Variants in MACROD2 observed in about 807,000 individuals in gnomAD.
MACROD2 encodes the protein ADP-ribose glycohydrolase MACROD2.
A neutral mutation model predicts 70.4 loss-of-function variants in MACROD2; 36 were observed. The observed-to-expected ratio is 0.51, with a 90% CI of 0.39 to 0.68. The LOEUF (loss-of-function observed/expected upper bound fraction) is 0.68. Among genes scored for constraint, MACROD2 ranks in the 30% least tolerant of loss-of-function variants. The pLI, the probability that MACROD2 is intolerant of heterozygous loss-of-function variation, is 0.00. For missense variants in MACROD2, 496 were observed against 538.4 expected, an observed-to-expected ratio of 0.92 and a Z score of 0.78; for synonymous variants, 172 against 178.8, an observed-to-expected ratio of 0.96 and a Z score of 0.30.
intron 8 of MACROD2, among the ~76,000 whole-genome samples, chr20:15,669,660 G>A (rs1007878556): frequency 1.3e-5 from 2 of 152,300 alleles, no homozygotes; most frequent in South Asian, 2.1e-4. Flanking sequence ...TGGAGAGAAC[G>A]GGTATCATTA....
intron 6 of MACROD2, among the ~76,000 whole-genome samples, chr20:15,322,459 A>G (rs943249251): frequency 6.9e-6 from 1 of 143,938 alleles, no homozygotes; most frequent in African/African-American, 2.5e-5. Flanking sequence ...ATAAGACAAA[A>G]TTAATCAGAA....
chr20:15,938,194 C>T (rs547021465), intron 12 of MACROD2, among the ~76,000 whole-genome samples: 1 of 152,170 alleles, frequency 6.6e-6, no homozygotes, highest in East Asian at 1.9e-4. Flanking sequence ...CAAAATAGTG[C>T]TTTTTCTTCT....
intron 5 of MACROD2, among the ~76,000 whole-genome samples, chr20:15,069,587 G>C (rs2075603228): frequency 6.6e-6 from 1 of 152,212 alleles, no homozygotes; most frequent in Admixed American, 6.5e-5. Flanking sequence ...TCAGGACACT[G>C]CTCCCTGGAT....
rs533621951 is a variant in MACROD2 at position 15,677,483 on chromosome 20, C to T, written c.645+177636C>T. 5.9e-5 allele frequency among the ~76,000 whole-genome samples: 9 copies of T among 152,258 alleles called. No homozygotes were observed. In the South Asian group the frequency reaches 1.7e-3, roughly 28 times the overall value. On this transcript the variant is annotated intron_variant, in intron 8 of 17. Transcript: ENST00000684519. ...ATGAAGGCAGGTCCAGGTAGCTCTG[C>T]AGCAGAGCTGGGGCACCGTGCCTGC... is the stretch of plus-strand genomic sequence containing the variant.
intron 7 of MACROD2, among the ~76,000 whole-genome samples, chr20:15,471,815 C>T (rs2046967289): frequency 6.6e-6 from 1 of 152,016 alleles, no homozygotes; most frequent in Non-Finnish European, 1.5e-5. Context: ...ACTCTTCTAC[C>T]TCTTTCTCCA....
rs527545309 is a variant in MACROD2 at position 15,226,459 on chromosome 20, T to C, written c.419-3481T>C. Reference sequence around the variant, plus strand: ...AGGGATTCAAAACCCATGTGCAAGATAAAGCATTGTCCATAGACTTTGCAT... The same window carrying C: ...AGGGATTCAAAACCCATGTGCAAGACAAAGCATTGTCCATAGACTTTGCAT... On this transcript the variant is annotated intron_variant, in intron 5 of 17. Transcript: ENST00000684519. Among the ~76,000 whole-genome samples the C allele has an allele frequency of 5.3e-5, 8 of 152,332 alleles. No individual in the cohort carries two copies. In the South Asian group the frequency reaches 1.5e-3, roughly 28 times the overall value.
chr20:14,554,288 C>T (rs893503650), intron 4 of MACROD2: 4 of 152,100 alleles, frequency 2.6e-5, no homozygotes, highest in South Asian at 2.1e-4. Flanking sequence ...GCTGACGTTT[C>T]CTTTGACTCT....
intron 9 of MACROD2, among the ~76,000 whole-genome samples, chr20:15,874,617 TGA>T (rs758636057): frequency 6.6e-6 from 1 of 152,212 alleles, no homozygotes; most frequent in Non-Finnish European, 1.5e-5. Context: ...CTAACTGGCA[TGA>T]GATGGTATCT....
intron 5 of MACROD2, among the ~76,000 whole-genome samples, chr20:15,013,762 C>T (rs80043096): frequency 0.1 from 15,796 of 152,218 alleles, 1,094 homozygotes; most frequent in Non-Finnish European, 0.14. Context: ...CCTAATAAAG[C>T]TCCTGCAGGT....
At position 14,973,348 on chromosome 20, in the gene MACROD2, G is replaced by C. The variant is rs375565899; in HGVS notation, c.419-256592G>C. 1.2e-4 allele frequency among the ~76,000 whole-genome samples: 18 copies of C among 150,144 alleles called. No individual in the cohort carries two copies. In the East Asian group the frequency reaches 3.2e-3, roughly 27 times the overall value. On this transcript the variant is annotated intron_variant, in intron 5 of 17. Transcript: ENST00000684519. ...AGTGATTCTCCTACATCAGCACCCTGAGTAGCTGGGACTGCAGGAGCGTGC... is the reference window on the plus strand; with the variant it reads ...AGTGATTCTCCTACATCAGCACCCTCAGTAGCTGGGACTGCAGGAGCGTGC...
At chr20:15,153,700 AG>A (rs773298822) in intron 5 of MACROD2, among the ~76,000 whole-genome samples, 53 of 152,320 alleles carry the variant, frequency 3.5e-4, no homozygotes, top group South Asian at 1.4e-3. Flanking sequence ...CTTAAAACAA[AG>A]AAAAATAATC....
At chr20:14,396,893 C>A (rs2083585880) in intron 3 of MACROD2, among the ~76,000 whole-genome samples, 1 of 141,620 alleles carries the variant, frequency 7.1e-6, no homozygotes, top group Admixed American at 7.1e-5. Flanking sequence ...CCACTGCACT[C>A]CAGCCTGGAC....
intron 4 of MACROD2, among the ~76,000 whole-genome samples, chr20:14,597,995 A>G (rs1982252055): frequency 1.3e-5 from 2 of 152,134 alleles, no homozygotes; most frequent in South Asian, 4.1e-4. Flanking sequence ...GATCTCCAAC[A>G]TAAACAAATC....
chr20:14,011,530 AT>A (rs34996651), intron 2 of MACROD2, among the ~76,000 whole-genome samples: 107 of 145,072 alleles, frequency 7.4e-4, no homozygotes, highest in Middle Eastern at 3.6e-3. Context: ...TTTCTCTTCG[AT>A]TTTTTTTTTT....
chr20:14,057,991 T>G (rs1237471276), intron 2 of MACROD2, among the ~76,000 whole-genome samples: 1 of 152,088 alleles, frequency 6.6e-6, no homozygotes, highest in Admixed American at 6.6e-5. Context: ...TTAAAAACTA[T>G]AAAATACAAA....
At chr20:15,205,905 ATC>A (rs1472473886) in intron 5 of MACROD2, among the ~76,000 whole-genome samples, 5 of 152,246 alleles carry the variant, frequency 3.3e-5, no homozygotes. Flanking sequence ...TGTTTTGGGC[ATC>A]TCTGGGTAAT....
At chr20:15,473,132 A>G (rs1274722119) in intron 7 of MACROD2, among the ~76,000 whole-genome samples, 2 of 152,174 alleles carry the variant, frequency 1.3e-5, no homozygotes, top group Non-Finnish European at 2.9e-5. Flanking sequence ...GTTATTTCAC[A>G]TCTCTGAGCT....
At chr20:14,633,093 C>T (rs552181565) in intron 4 of MACROD2, among the ~76,000 whole-genome samples, 2 of 152,338 alleles carry the variant, frequency 1.3e-5, no homozygotes, top group Non-Finnish European at 1.5e-5. Flanking sequence ...CTTTCTCTTT[C>T]CTCTTCCTGC....
chr20:14,488,956 A>G (rs1175111342), intron 3 of MACROD2, among the ~76,000 whole-genome samples: 1 of 152,164 alleles, frequency 6.6e-6, no homozygotes, highest in Non-Finnish European at 1.5e-5. Context: ...CCCAAGTAAG[A>G]CTTCCAATCT....
Sources: gnomAD v4.1 joint callset for allele counts (sites outside exome capture counted in the v4.1 genomes callset) on GRCh38, gnomAD v4.1.1 for gene constraint, MANE v1.5 for transcripts, NCBI Gene and HGNC (gene_info 2026-07-23, HGNC 2026-07-21) for gene names.